The following KYNU variants were observed in gnomAD, a reference collection of about 807,000 sequenced individuals.
The protein encoded by KYNU is kynureninase, also known as L-kynurenine hydrolase.
A neutral mutation model predicts 59.2 loss-of-function variants in KYNU; 54 were observed. The observed-to-expected ratio is 0.91, with a 90% CI of 0.73 to 1.14. The LOEUF (loss-of-function observed/expected upper bound fraction) is 1.14. KYNU is among the 50% of genes most tolerant of loss of function. KYNU has a pLI of 0.00. For missense variants in KYNU, 567 were observed against 554.4 expected, an observed-to-expected ratio of 1.02 and a Z score of -0.23; for synonymous variants, 177 against 192.0, an observed-to-expected ratio of 0.92 and a Z score of 0.65.
At chr2:142,947,356 A>C in intron 4 of KYNU, 1 of 878,460 alleles carries the variant, frequency 1.1e-6, no homozygotes, top group Non-Finnish European at 1.7e-6. Flanking sequence ...TTCCTCTTCA[A>C]GCTTACTGTA....
At chr2:143,033,897 G>C in intron 12 of KYNU, among the ~76,000 whole-genome samples, 1 of 151,978 alleles carries the variant, frequency 6.6e-6, no homozygotes, top group East Asian at 1.9e-4. Flanking sequence ...GTGGTTTTAT[G>C]ATTTTTTTAA....
At chr2:142,978,605 C>T (rs1157369800) in intron 8 of KYNU, among the ~76,000 whole-genome samples, 1 of 152,164 alleles carries the variant, frequency 6.6e-6, no homozygotes, top group Non-Finnish European at 1.5e-5. Flanking sequence ...TAGCAGTGAA[C>T]ATTCACAGGC....
At chr2:142,915,968 C>T (rs141020188) in intron 2 of KYNU, among the ~76,000 whole-genome samples, 1 of 152,160 alleles carries the variant, frequency 6.6e-6, no homozygotes, top group African/African-American at 2.4e-5. Flanking sequence ...GGGAAACACA[C>T]AGGCATACTG....
chr2:142,964,338 G>C (rs11690108), intron 8 of KYNU, among the ~76,000 whole-genome samples: 1 of 151,878 alleles, frequency 6.6e-6, no homozygotes, highest in African/African-American at 2.4e-5. Flanking sequence ...GAACCATAAG[G>C]TATTTGTATA....
At chr2:142,885,082 CTCAA>C (rs1229095629) in intron 1 of KYNU, among the ~76,000 whole-genome samples, 2 of 123,156 alleles carry the variant, frequency 1.6e-5, no homozygotes, top group Non-Finnish European at 3.3e-5. Flanking sequence ...CCAGGCTGGT[CTCAA>C]ACTCCTGACC....
At chr2:142,982,011 G>A (rs1285761551) in intron 8 of KYNU, among the ~76,000 whole-genome samples, 2 of 152,102 alleles carry the variant, frequency 1.3e-5, no homozygotes, top group Non-Finnish European at 2.9e-5. Context: ...ACAGACTATA[G>A]TTTGCATGTC....
At chr2:142,950,363 A>T (rs1193991936) in intron 4 of KYNU, among the ~76,000 whole-genome samples, 1 of 152,228 alleles carries the variant, frequency 6.6e-6, no homozygotes, top group Non-Finnish European at 1.5e-5. Flanking sequence ...TGATAAAGAC[A>T]TACCTGAGAC....
At chr2:142,915,993 A>G (rs1042787438) in intron 2 of KYNU, among the ~76,000 whole-genome samples, 2 of 152,230 alleles carry the variant, frequency 1.3e-5, no homozygotes, top group African/African-American at 4.8e-5. Flanking sequence ...AAGGCCAAAC[A>G]CACAAGAGAT....
intron 2 of KYNU, among the ~76,000 whole-genome samples, chr2:142,897,699 G>GT (rs1288643091): frequency 6.6e-6 from 1 of 151,066 alleles, no homozygotes; most frequent in Non-Finnish European, 1.5e-5. Flanking sequence ...TAAATTTTTG[G>GT]TTAAAAAAAA....
chr2:142,898,239 T>G (rs942191562), intron 2 of KYNU, among the ~76,000 whole-genome samples: 1 of 152,054 alleles, frequency 6.6e-6, no homozygotes, highest in Non-Finnish European at 1.5e-5. Flanking sequence ...TCCACAGAGA[T>G]GTTTTATTTT....
At chr2:142,917,791 A>C (rs1573787782) in intron 2 of KYNU, among the ~76,000 whole-genome samples, 1 of 152,372 alleles carries the variant, frequency 6.6e-6, no homozygotes, top group Middle Eastern at 3.4e-3. Context: ...GTTGAAATAG[A>C]TGGTATGTCT....
chr2:142,995,503 G>A (rs762958314), intron 10 of KYNU, among the ~76,000 whole-genome samples: 7 of 152,008 alleles, frequency 4.6e-5, no homozygotes, highest in Non-Finnish European at 8.8e-5. Context: ...AGCTAACTTC[G>A]AACAAAGCAG....
rs1464452158 is a variant in KYNU, at chr2:143,045,162, T to G, written c.*2990T>G. Reference sequence around the variant, plus strand: ...GGTTGTAAATGTGTGGTGTTATTTCTGAGGCCTCTGTTTTGTTCCATTGGT... The same window carrying G: ...GGTTGTAAATGTGTGGTGTTATTTCGGAGGCCTCTGTTTTGTTCCATTGGT... On this transcript the variant is annotated 3_prime_UTR_variant, in exon 14 of 14. Coordinates refer to ENST00000264170, the MANE Select transcript of KYNU (RefSeq NM_003937.3). The G allele has an allele frequency of 1.3e-5, 2 of 152,188 alleles. No homozygotes were observed. The highest frequency in any genetic ancestry group is 4.8e-5 in the African/African-American group (2 of 41,450). 9.4% of individuals were successfully genotyped at this position (152,188 alleles called of 1,614,324 possible). A position where few individuals can be genotyped will look rare whatever the true frequency, so the allele number is the denominator to read the frequency against.
intron 2 of KYNU, among the ~76,000 whole-genome samples, chr2:142,917,454 TA>T (rs1447828576): frequency 7.2e-6 from 1 of 138,528 alleles, no homozygotes; most frequent in Admixed American, 7.3e-5. Flanking sequence ...ATTGATGTGA[TA>T]ACCTTTTATT....
At chr2:142,980,199 TATAATTAGCTTATAATGCTA>T (rs1431091152) in intron 8 of KYNU, among the ~76,000 whole-genome samples, 3 of 151,564 alleles carry the variant, frequency 2.0e-5, no homozygotes, top group Admixed American at 1.3e-4. Context: ...TGTATTAGCT[TATAATTAGCTTATAATGCTA>T]ATAATTAGCT....
At chr2:142,988,476 A>G (rs1270132953) in intron 10 of KYNU, among the ~76,000 whole-genome samples, 1 of 151,962 alleles carries the variant, frequency 6.6e-6, no homozygotes, top group African/African-American at 2.4e-5. Context: ...ATATGCTATA[A>G]GAAAGAATTC....
chr2:142,935,405 G>C (rs1683354556), intron 4 of KYNU, among the ~76,000 whole-genome samples: 3 of 152,198 alleles, frequency 2.0e-5, no homozygotes, highest in African/African-American at 7.2e-5. Flanking sequence ...GATAATACCA[G>C]TGGGGGTCCT....
intron 8 of KYNU, among the ~76,000 whole-genome samples, chr2:142,971,946 A>G (rs1684738703): frequency 1.3e-5 from 2 of 152,214 alleles, no homozygotes; most frequent in South Asian, 2.1e-4. Context: ...TGCTCCGTTA[A>G]GTCATTAAAT....
chr2:142,985,179 C>A lies in KYNU; in HGVS notation c.825C>A (p.Tyr275Ter), dbSNP rs1685164393. Residue 275 changes from tyrosine to a stop codon, truncating the protein, a stop_gained, in exon 9 of 14, where the codon TAC becomes TAA. Transcript: ENST00000264170. LOFTEE classifies it high-confidence loss of function. ...TTGATTTTGCCTGCTGGTGTTCCTA[C>A]AAGGTACAAACGAGTTAATACATTT... ...WGVDFACWCS[Y>*]KYLNAGAGGI... 3.8e-6 allele frequency: 6 copies of A among 1,575,920 alleles called. No homozygotes were observed. The highest frequency in any genetic ancestry group is 5.2e-6 in the Non-Finnish European group (6 of 1,145,840).
Sources: gnomAD v4.1 joint callset for allele counts (sites outside exome capture counted in the v4.1 genomes callset) on GRCh38, gnomAD v4.1.1 for gene constraint, MANE v1.5 for transcripts, NCBI Gene and HGNC (gene_info 2026-07-23, HGNC 2026-07-21) for gene names.